CWC22: variants seen among roughly 807,000 people sequenced by gnomAD.
CWC22 encodes pre-mRNA-splicing factor CWC22 homolog.
A neutral mutation model predicts 117.2 loss-of-function variants in CWC22; 53 were observed. That is an observed-to-expected ratio of 0.45 (90% CI 0.36 to 0.57). The LOEUF is 0.57. CWC22 is among the 20% of genes least tolerant of loss of function. The pLI, the probability that CWC22 is intolerant of heterozygous loss-of-function variation, is 0.00. For synonymous variants in CWC22, 360 were observed against 355.6 expected (o/e 1.01, Z -0.14); for missense variants, 980 against 1,068.8 (o/e 0.92, Z 1.16).
At chr2:179,965,780 T>C (rs933284766) in intron 12 of CWC22, 98 bp downstream of exon 12, 1 of 1,069,722 alleles carries the variant, frequency 9.3e-7, no homozygotes, top group East Asian at 2.7e-5. Flanking sequence ...CAGCTGTCCT[T>C]GCTCTCCCCA....
intron 19 of CWC22, among the ~76,000 whole-genome samples, chr2:179,946,677 G>A (rs1686312732): frequency 6.6e-6 from 1 of 152,042 alleles, no homozygotes; most frequent in Non-Finnish European, 1.5e-5. Flanking sequence ...GTTATTCATA[G>A]GACTATTAAG....
chr2:179,968,791 C>T (rs969473345), intron 11 of CWC22, among the ~76,000 whole-genome samples: 4 of 152,028 alleles, frequency 2.6e-5, no homozygotes, highest in African/African-American at 9.7e-5. Context: ...TAGTCTCGAA[C>T]TCCTGACCTC....
intron 5 of CWC22, among the ~76,000 whole-genome samples, chr2:179,979,344 G>A (rs764340740): frequency 6.6e-6 from 1 of 152,050 alleles, no homozygotes; most frequent in Non-Finnish European, 1.5e-5. Flanking sequence ...GCCATAATCC[G>A]TATCATGAAA....
intron 13 of CWC22, among the ~76,000 whole-genome samples, chr2:179,959,942 A>C (rs72958887): frequency 1.3e-5 from 2 of 152,002 alleles, no homozygotes; most frequent in African/African-American, 4.8e-5. Flanking sequence ...ATATGCATTG[A>C]ATTGTATTAC....
At position 179,993,322 on chromosome 2, in the gene CWC22, T is replaced by G. The variant is rs1687617612; in HGVS notation, c.20A>C (p.Gln7Pro). The G allele has an allele frequency of 3.8e-6, 6 of 1,566,276 alleles. No individual in the cohort carries two copies. Among genetic ancestry groups the G allele is most frequent in the Non-Finnish European group, 5.2e-6 (6 of 1,152,748 alleles). ...TAAGTTTCAAACACTTACTTTTATCTGTGCCACACTACTTTTCATTTTCTG... is the reference window on the plus strand; with the variant it reads ...TAAGTTTCAAACACTTACTTTTATCGGTGCCACACTACTTTTCATTTTCTG... MKSSVA[Q>P]IKPSSGHDRR... The change falls in exon 2 of 20, where the codon CAG (glutamine) becomes CCG (proline). Residue 7 changes from glutamine (Q) to proline (P), a missense_variant. Around this residue, in one of 3 missense-constraint regions of CWC22, gnomAD observed 559 missense variants for 602.3 expected, o/e 0.93. Transcript: ENST00000410053.
At chr2:179,993,235 T>C (rs761549594) in intron 2 of CWC22, 80 bp downstream of exon 2, 65 of 1,062,362 alleles carry the variant, frequency 6.1e-5, no homozygotes, top group Non-Finnish European at 9.1e-5. Flanking sequence ...GATGTCCTAA[T>C]TACATAAATG....
intron 4 of CWC22, among the ~76,000 whole-genome samples, chr2:179,986,152 T>C (rs1228359147): frequency 3.3e-5 from 5 of 152,116 alleles, no homozygotes; most frequent in African/African-American, 1.2e-4. Context: ...CAAGGAAATA[T>C]TGCAAGTCTT....
In CWC22 at chr2:179,965,918, G is replaced by A. The variant is rs377478242; in HGVS notation, c.1275C>T (p.Asp425=). 3.1e-5 allele frequency: 50 copies of A among 1,598,028 alleles called. No homozygotes were observed. The highest frequency in any genetic ancestry group is 1.6e-4 in the East Asian group (7 of 44,658). Residue 425 remains aspartate (D), a synonymous_variant, in exon 12 of 20, where the codon GAC becomes GAT. Transcript: ENST00000410053. The part of the protein sequence containing the change: ...TDQDAGSSEE[D]EEEEEEEGEE... Reference sequence around the variant, plus strand: ...CTCCCTCTTCCTCTTCTTCTTCCTCGTCCTCTTCACTACTCCCAGCATCCT... The same window carrying A: ...CTCCCTCTTCCTCTTCTTCTTCCTCATCCTCTTCACTACTCCCAGCATCCT...
At chr2:179,951,699 A>G (rs1686452360) in intron 17 of CWC22, among the ~76,000 whole-genome samples, 1 of 152,080 alleles carries the variant, frequency 6.6e-6, no homozygotes, top group Non-Finnish European at 1.5e-5. Context: ...AGAGAAGACG[A>G]GCCTGGTCAA....
intron 1 of CWC22, among the ~76,000 whole-genome samples, chr2:180,002,619 G>A (rs889201165): frequency 2.6e-5 from 4 of 152,218 alleles, no homozygotes; most frequent in African/African-American, 9.6e-5. Context: ...AGGCATTGAG[G>A]ACTCTGTCCT....
At position 179,950,526 on chromosome 2, in the gene CWC22, T is replaced by C. The variant is rs201120324; in HGVS notation, c.2126A>G (p.His709Arg). The change falls in exon 19 of 20, where the codon CAT becomes CGT. Residue 709 changes from histidine to arginine, a missense_variant. This residue lies in a region of CWC22 where 306 missense variants were observed against 296.8 expected (regional missense o/e 1.03). Coordinates refer to ENST00000410053, the MANE Select transcript of CWC22 (RefSeq NM_020943.3). ...EESDSSSISS[H>R]SSASANDVRK... ...AGCTTCAATACCTGAGGCAGAGCTA[T>C]GACTACTGATGGATGAAGAGTCGCT... The C allele has an allele frequency of 6.0e-4, 965 of 1,608,800 alleles. 1 individual carries two copies. The highest frequency in any genetic ancestry group is 7.4e-4 in the South Asian group (67 of 90,780).
At chr2:179,998,264 GA>G (rs1237614813) in intron 1 of CWC22, among the ~76,000 whole-genome samples, 5 of 152,134 alleles carry the variant, frequency 3.3e-5, no homozygotes, top group African/African-American at 1.2e-4. Flanking sequence ...ATTGGAAAGG[GA>G]AACAGAAAAT....
intron 13 of CWC22, among the ~76,000 whole-genome samples, chr2:179,961,706 G>T (rs1686754647): frequency 6.6e-6 from 1 of 151,866 alleles, no homozygotes; most frequent in Non-Finnish European, 1.5e-5. Context: ...GAAGTATCAG[G>T]GAGAAAGCTA....
chr2:179,994,947 T>C (rs1687663525), intron 1 of CWC22, among the ~76,000 whole-genome samples: 1 of 152,128 alleles, frequency 6.6e-6, no homozygotes, highest in African/African-American at 2.4e-5. Flanking sequence ...AAACCCCGTC[T>C]CTACTGAAAA....
rs914649257 is a variant in CWC22, at chr2:179,945,391, T to C, written c.2465A>G (p.Lys822Arg). The stretch of plus-strand genomic sequence containing the variant: ...AAAAGAATTTCTTCTCTCTCCTCTC[T>C]TCTTTTTGGGATCACCATGCTTATT... ...LENKHGDPKK[K>R]RGERRNSFSE... The change falls in exon 20 of 20, where the codon AAG becomes AGG. Residue 822 changes from lysine (K) to arginine (R), a missense_variant. Around this residue, in one of 3 missense-constraint regions of CWC22, gnomAD observed 306 missense variants for 296.8 expected, o/e 1.03. Transcript: ENST00000410053. The C allele has an allele frequency of 6.2e-7, 1 of 1,613,284 alleles. No individual in the cohort carries two copies. Among genetic ancestry groups the C allele is most frequent in the South Asian group, 1.1e-5 (1 of 90,932 alleles).
At chr2:180,000,163 T>C (rs1687809214) in intron 1 of CWC22, among the ~76,000 whole-genome samples, 4 of 152,338 alleles carry the variant, frequency 2.6e-5, no homozygotes, top group South Asian at 2.1e-4. Flanking sequence ...AGTGAAAAAA[T>C]TGCCTCATGA....
chr2:180,005,740 G>A (rs1559300791), intron 1 of CWC22, among the ~76,000 whole-genome samples: 1 of 152,188 alleles, frequency 6.6e-6, no homozygotes, highest in Non-Finnish European at 1.5e-5. Context: ...TGTGCTCAGT[G>A]CCTCATCTGC....
At chr2:179,972,905 A>C (rs1297838538) in intron 8 of CWC22, among the ~76,000 whole-genome samples, 1 of 152,012 alleles carries the variant, frequency 6.6e-6, no homozygotes, top group Non-Finnish European at 1.5e-5. Context: ...GCTACTCGGG[A>C]GGCTGAGGCA....
chr2:179,997,898 G>A (rs570862790), intron 1 of CWC22, among the ~76,000 whole-genome samples: 1 of 152,236 alleles, frequency 6.6e-6, no homozygotes, highest in African/African-American at 2.4e-5. Context: ...CTACAGGTCA[G>A]TTTTAAATCA....
Sources: allele counts gnomAD v4.1 joint callset (sites outside exome capture counted in the v4.1 genomes callset), GRCh38; gene constraint gnomAD v4.1.1; regional missense constraint gnomAD v4.1.1; transcripts MANE v1.5; gene names NCBI Gene and HGNC (gene_info 2026-07-23, HGNC 2026-07-21).